Variants in XPO5 observed in about 807,000 individuals in gnomAD.
The protein encoded by XPO5 is exportin 5, also known as exportin-5.
A neutral mutation model predicts 160.6 loss-of-function variants in XPO5; 46 were observed. That is an observed-to-expected ratio of 0.29 (90% CI 0.23 to 0.37). The LOEUF (loss-of-function observed/expected upper bound fraction) is 0.37, where lower values mean the gene tolerates loss of function less well. XPO5 is among the 10% of genes least tolerant of loss of function. The pLI, the probability that XPO5 is intolerant of heterozygous loss-of-function variation, is 1.00. For synonymous variants in XPO5, 537 were observed against 519.3 expected, an observed-to-expected ratio of 1.03 and a Z score of -0.46; for missense variants, 1,090 against 1,463.9, an observed-to-expected ratio of 0.74 and a Z score of 4.17.
intron 15 of XPO5, among the ~76,000 whole-genome samples, chr6:43,550,746 CT>C (rs1300836655): frequency 6.6e-6 from 1 of 152,170 alleles, no homozygotes; most frequent in African/African-American, 2.4e-5. Context: ...AATACTCATG[CT>C]TTCTCTTCTT....
chr6:43,537,112 G>A (rs906208282), intron 20 of XPO5, among the ~76,000 whole-genome samples: 1 of 151,110 alleles, frequency 6.6e-6, no homozygotes, highest in Non-Finnish European at 1.5e-5. Flanking sequence ...GACTATAAGT[G>A]TGCACCACCA....
At chr6:43,549,706 G>T in intron 16 of XPO5, 128 bp from the exon 17 acceptor site, 1 of 1,253,608 alleles carries the variant, frequency 8.0e-7, no homozygotes, top group Non-Finnish European at 1.1e-6. Flanking sequence ...AGAGTATAAT[G>T]GAGTAACATT....
chr6:43,523,428 G>A lies in XPO5; in HGVS notation c.*440C>T, dbSNP rs986837885. On this transcript the variant is annotated 3_prime_UTR_variant, in exon 32 of 32. Transcript: ENST00000265351. ...GCAGCAAAAGGGCTCAGTGGGAGTT[G>A]GAGTGGTCCAAGAGAAACTCTGGCA... The A allele has an allele frequency of 2.2e-5, 7 of 321,950 alleles. No individual in the cohort carries two copies. Among genetic ancestry groups the A allele is most frequent in the Middle Eastern group, 1.1e-3 (1 of 906 alleles). The allele number at this position is 321,950 out of a possible 1,614,324, so 19.9% of individuals were successfully genotyped here.
intron 6 of XPO5, among the ~76,000 whole-genome samples, chr6:43,567,765 A>T (rs1762768078): frequency 6.6e-6 from 1 of 151,686 alleles, no homozygotes; most frequent in South Asian, 2.1e-4. Context: ...TAAAAAAAAT[A>T]CCCTAACCAA....
rs140295996 is a variant in XPO5 at position 43,538,441 on chromosome 6, C to T, written c.2343-4434G>A. Reference sequence around the variant, plus strand: ...CTGAGATCACAAGCGTGAGGCACCACGCTAAGCCTAATTTAGTGACTAAGA... The same window carrying T: ...CTGAGATCACAAGCGTGAGGCACCATGCTAAGCCTAATTTAGTGACTAAGA... On this transcript the variant is annotated intron_variant, in intron 20 of 31. Transcript: ENST00000265351. 2.7e-3 allele frequency among the ~76,000 whole-genome samples: 407 copies of T among 152,044 alleles called. 1 individual carries two copies. Among genetic ancestry groups the T allele is most frequent in the Middle Eastern group, 6.8e-3 (2 of 292 alleles).
chr6:43,532,422 G>T (rs1456268119), intron 21 of XPO5, among the ~76,000 whole-genome samples: 2 of 152,204 alleles, frequency 1.3e-5, no homozygotes, highest in Non-Finnish European at 1.5e-5. Flanking sequence ...AACTATGGGG[G>T]CTGTGATGGT....
intron 19 of XPO5, 79 bp from the exon 20 acceptor site, chr6:43,546,831 G>T: frequency 6.5e-6 from 9 of 1,377,436 alleles, no homozygotes; most frequent in East Asian, 2.5e-5. Context: ...TATATTCAAG[G>T]TTCTGGCAAA....
chr6:43,573,437 C>T, intron 2 of XPO5, 43 bp downstream of exon 2: 1 of 1,608,934 alleles, frequency 6.2e-7, no homozygotes, highest in Non-Finnish European at 8.5e-7. Flanking sequence ...ATATAAAGAT[C>T]TGTTCTCTCA....
chr6:43,538,884 C>T (rs557575310), intron 20 of XPO5: 34 of 1,291,220 alleles, frequency 2.6e-5, no homozygotes, highest in South Asian at 7.4e-5. Flanking sequence ...TGGGTCTTGA[C>T]GAGGTGGTCA....
At chr6:43,549,378 G>T in intron 17 of XPO5, 111 bp downstream of exon 17, 1 of 1,087,094 alleles carries the variant, frequency 9.2e-7, no homozygotes, top group Non-Finnish European at 1.3e-6. Flanking sequence ...ATGCTTATAT[G>T]ATGCAAAGCT....
chr6:43,540,531 T>G (rs1794636599), intron 20 of XPO5, among the ~76,000 whole-genome samples: 2 of 152,154 alleles, frequency 1.3e-5, no homozygotes, highest in Admixed American at 6.5e-5. Context: ...CACACACCTG[T>G]AATCCCAGCT....
chr6:43,567,297 C>G lies in XPO5; in HGVS notation c.706G>C (p.Asp236His), dbSNP rs1301371661. ...AALNTLAGYI[D>H]WVSMSHITAE... ...GTGATGTGACTCATAGACACCCAGT[C>G]AATATAGCCTGCTAGAGTATTCAGT... The change falls in exon 7 of 32, where the codon GAC becomes CAC. Residue 236 changes from aspartate to histidine, a missense_variant. Physicochemically the swap from Asp to His is moderately conservative, Grantham distance 81. This residue lies in a region of XPO5 where 110 missense variants were observed against 97.9 expected (regional missense o/e 1.12). Transcript: ENST00000265351. The G allele has an allele frequency of 6.2e-7, 1 of 1,613,946 alleles. No homozygotes were observed. Among genetic ancestry groups the G allele is most frequent in the South Asian group, 1.1e-5 (1 of 91,048 alleles).
rs573342296 is a variant in XPO5, at chr6:43,535,170, T to C, written c.2343-1163A>G. Among the ~76,000 whole-genome samples, 6 of 147,552 alleles carry C rather than the reference T, an allele frequency of 4.1e-5. 1 individual carries two copies. The South Asian group carries it at 1.3e-3, about 32-fold the overall frequency. On this transcript the variant is annotated intron_variant, in intron 20 of 31. Transcript: ENST00000265351. ...AGCCGGACGTGGTGGTGGGTGCCTG[T>C]GGTCCCAGCTACTCGGGAGGCTGAG...
intron 20 of XPO5, among the ~76,000 whole-genome samples, chr6:43,536,841 G>A (rs544353388): frequency 1.3e-5 from 2 of 149,512 alleles, no homozygotes; most frequent in Admixed American, 6.7e-5. Flanking sequence ...TTCTGTGTGT[G>A]GTGGCTGGTA....
At chr6:43,540,381 A>G (rs1794628810) in intron 20 of XPO5, among the ~76,000 whole-genome samples, 1 of 152,228 alleles carries the variant, frequency 6.6e-6, no homozygotes, top group Admixed American at 6.5e-5. Flanking sequence ...TGGGAGGCTG[A>G]AGCAGGAGAA....
In XPO5 at chr6:43,548,437, G is replaced by A; in HGVS notation, c.1884C>T (p.Asn628=). 1 of 1,575,824 alleles carries A rather than the reference G, an allele frequency of 6.3e-7. No individual in the cohort carries two copies. Among genetic ancestry groups the A allele is most frequent in the Non-Finnish European group, 8.6e-7 (1 of 1,157,282 alleles). The change falls in exon 18 of 32, where the codon AAC becomes AAT. Residue 628 remains asparagine, a synonymous_variant. Transcript: ENST00000265351. The part of the protein sequence containing the change: ...LVLPNFDMLY[N]HVKQLLSNEL... ...CATTGGAGAGGAGTTGCTTCACATG[G>A]TTATAAAGCATGTCAAAATTGGGCT... is the stretch of plus-strand genomic sequence containing the variant.
At chr6:43,529,191 T>C (rs774838633) in intron 23 of XPO5, 38 of 1,452,906 alleles carry the variant, frequency 2.6e-5, no homozygotes, top group Non-Finnish European at 3.5e-5. Flanking sequence ...AATAAAAAAA[T>C]AGGAAGGAGG....
chr6:43,527,905 T>C (rs1230360165), intron 25 of XPO5, among the ~76,000 whole-genome samples, 174 bp from the exon 26 acceptor site: 1 of 152,210 alleles, frequency 6.6e-6, no homozygotes, highest in Non-Finnish European at 1.5e-5. Context: ...TACTAGTGAC[T>C]CTGTCCAGTT....
chr6:43,568,589 G>GT, intron 6 of XPO5, 122 bp downstream of exon 6: 1 of 872,980 alleles, frequency 1.1e-6, no homozygotes, highest in South Asian at 2.5e-5. Flanking sequence ...CTGGGCAACA[G>GT]TAAGACCTGT....
Sources: allele counts gnomAD v4.1 joint callset (sites outside exome capture counted in the v4.1 genomes callset), GRCh38; gene constraint gnomAD v4.1.1; regional missense constraint gnomAD v4.1.1; transcripts MANE v1.5; gene names NCBI Gene and HGNC (gene_info 2026-07-23, HGNC 2026-07-21).